XKRX: variants seen among roughly 807,000 people sequenced by gnomAD.
XKRX encodes the protein XK-related protein 2.
XKRX carries 11 observed loss-of-function variants against 22.4 expected under a neutral mutation model. The ratio of observed to expected loss-of-function variants is 0.49; its 90% CI spans 0.31 to 0.81. XKRX has a LOEUF of 0.81. Among genes scored for constraint, XKRX ranks in the 40% least tolerant of loss-of-function variants. The pLI, the probability that XKRX is intolerant of heterozygous loss-of-function variation, is 0.05. For missense variants in XKRX, 320 were observed against 336.5 expected, an observed-to-expected ratio of 0.95 and a Z score of 0.38; for synonymous variants, 114 against 132.2, an observed-to-expected ratio of 0.86 and a Z score of 0.94.
the XKRX span, among the ~76,000 whole-genome samples, chrX:100,948,173 T>G: frequency 9.0e-6 from 1 of 111,096 alleles, no homozygotes; most frequent in African/African-American, 3.3e-5. Flanking sequence ...ACCAAATTGC[T>G]GGGATTACAG....
chrX:100,900,700 C>CAT, the XKRX span, among the ~76,000 whole-genome samples: 8 of 108,273 alleles, frequency 7.4e-5, no homozygotes, highest in Non-Finnish European at 1.3e-4. Flanking sequence ...CTGAATCTAT[C>CAT]ATATATATAA....
chrX:100,891,759 GAAGA>G, the XKRX span, among the ~76,000 whole-genome samples: 11 of 68,328 alleles, frequency 1.6e-4, no homozygotes, highest in East Asian at 3.5e-3. Context: ...AAAGAAGAAA[GAAGA>G]AAAGAAAGAA....
At chrX:100,939,200 A>G in the XKRX span, among the ~76,000 whole-genome samples, 1 of 111,837 alleles carries the variant, frequency 8.9e-6, no homozygotes, top group East Asian at 2.8e-4. Context: ...CTGGTAGCTG[A>G]TTGCCTCCAG....
At chrX:100,940,548 C>T in the XKRX span, among the ~76,000 whole-genome samples, 1 of 111,609 alleles carries the variant, frequency 9.0e-6, no homozygotes, top group Non-Finnish European at 1.9e-5. Flanking sequence ...ACTGTCCCAC[C>T]CTATTGAGCT....
chrX:100,930,372 G>T (rs1184540522), upstream of XKRX, among the ~76,000 whole-genome samples: 1 of 109,910 alleles, frequency 9.1e-6, no homozygotes, highest in Non-Finnish European at 1.9e-5. Context: ...TTTGCTGCAG[G>T]AAGTCAGTAA....
At chrX:100,888,486 G>T in the XKRX span, 341 of 848,220 alleles carry the variant, frequency 4.0e-4, no homozygotes, top group African/African-American at 6.4e-3. Flanking sequence ...ATTCCCCATC[G>T]CTCAAAATGG....
At chrX:100,900,867 G>A in the XKRX span, among the ~76,000 whole-genome samples, 2 of 101,640 alleles carry the variant, frequency 2.0e-5, no homozygotes, top group African/African-American at 7.3e-5. Flanking sequence ...TCGGCTCACT[G>A]CAAGCTCTGC....
chrX:100,946,246 T>C, the XKRX span, among the ~76,000 whole-genome samples: 1 of 110,602 alleles, frequency 9.0e-6, no homozygotes, highest in East Asian at 2.8e-4. Context: ...TAATAAATGC[T>C]ACTTATTATT....
upstream of XKRX, among the ~76,000 whole-genome samples, chrX:100,932,302 G>A (rs2085524017): frequency 1.8e-5 from 2 of 111,416 alleles, no homozygotes; most frequent in African/African-American, 6.5e-5. Context: ...TAAAGATGCT[G>A]GAAATGTTGG....
chrX:100,914,505 T>G lies in XKRX; in HGVS notation c.1183A>C (p.Ile395Leu). The change falls in exon 3 of 3, where the codon ATT becomes CTT. Residue 395 changes from isoleucine (I) to leucine (L), a missense_variant. Transcript: ENST00000372956. ...LQLIIAYLIS[I>L]GFMLLFFQYL... ...TGGAAGAAAAGGAGCATGAAGCCAA[T>G]GGAAATCAGATAAGCAATAATGAGC... 3.3e-6 allele frequency: 4 copies of G among 1,211,486 alleles called. No homozygotes were observed. Among genetic ancestry groups the G allele is most frequent in the Non-Finnish European group, 4.5e-6 (4 of 895,443 alleles).
At chrX:100,913,035 T>C (rs1181154496), downstream of XKRX, among the ~76,000 whole-genome samples, 1 of 108,982 alleles carries the variant, frequency 9.2e-6, no homozygotes, top group Non-Finnish European at 1.9e-5. Context: ...CCATCTCTAC[T>C]AAAAATACAA....
chrX:100,917,545 G>A (rs1158360041), intron 2 of XKRX, among the ~76,000 whole-genome samples: 2 of 100,244 alleles, frequency 2.0e-5, no homozygotes, highest in Non-Finnish European at 4.0e-5. Flanking sequence ...GGGAGGAAGG[G>A]AGGAAGACAG....
At chrX:100,944,642 C>T in the XKRX span, among the ~76,000 whole-genome samples, 2 of 112,385 alleles carry the variant, frequency 1.8e-5, no homozygotes, top group Non-Finnish European at 3.8e-5. Context: ...GGATTACAGG[C>T]GTGAGCCACC....
At chrX:100,957,997 A>G in the XKRX span, among the ~76,000 whole-genome samples, 2 of 111,446 alleles carry the variant, frequency 1.8e-5, no homozygotes, top group South Asian at 7.6e-4. Flanking sequence ...GCTTGATTTG[A>G]TAGCTTGAAG....
chrX:100,918,456 T>C, intron 2 of XKRX, among the ~76,000 whole-genome samples: 1 of 111,797 alleles, frequency 8.9e-6, no homozygotes, highest in Admixed American at 9.6e-5. Context: ...TGATTAGTAG[T>C]GTAACAGAAG....
At chrX:100,949,364 G>GTGTT in the XKRX span, among the ~76,000 whole-genome samples, 4 of 15,992 alleles carry the variant, frequency 2.5e-4, no homozygotes, top group Non-Finnish European at 3.2e-4. Context: ...GTTTTTGGTT[G>GTGTT]TTTTTTTTTT....
chrX:100,935,371 A>C, the XKRX span, among the ~76,000 whole-genome samples: 1 of 110,995 alleles, frequency 9.0e-6, no homozygotes, highest in East Asian at 2.8e-4. Context: ...CCAGCGACCC[A>C]AAGCAGTGGA....
chrX:100,948,074 T>C, the XKRX span, among the ~76,000 whole-genome samples: 3 of 59,215 alleles, frequency 5.1e-5, no homozygotes, highest in East Asian at 2.8e-3. Flanking sequence ...AGCTAATTTT[T>C]GTATTTTTTT....
chrX:100,928,647 T>G lies in XKRX; in HGVS notation c.-343A>C, dbSNP rs894515185. The stretch of plus-strand genomic sequence containing the variant: ...CCAACTCCAGGGACGTGAAGAGTCA[T>G]GAGAACAGCGGCTTCCGTGGCGGCT... On this transcript the variant is annotated 5_prime_UTR_variant, in exon 1 of 3. It removes an upstream start codon present in the reference 5' UTR. Coordinates refer to ENST00000372956, the MANE Select transcript of XKRX (RefSeq NM_212559.3). 3.2e-5 allele frequency: 26 copies of G among 822,534 alleles called. No homozygotes were observed. The highest frequency in any genetic ancestry group is 3.5e-5 in the Non-Finnish European group (24 of 685,447). 67.8% of individuals were successfully genotyped at this position (822,534 alleles called of 1,213,427 possible). A position where few individuals can be genotyped will look rare whatever the true frequency, so the allele number is the denominator to read the frequency against.
Sources: allele counts gnomAD v4.1 joint callset (sites outside exome capture counted in the v4.1 genomes callset), GRCh38; gene constraint gnomAD v4.1.1; transcripts MANE v1.5; gene names NCBI Gene and HGNC (gene_info 2026-07-23, HGNC 2026-07-21).